CNTNAP2: variants seen among roughly 807,000 people sequenced by gnomAD.
The protein encoded by CNTNAP2 is contactin associated protein 2, also known as contactin-associated protein-like 2.
CNTNAP2 carries 98 observed loss-of-function variants against 155.2 expected under a neutral mutation model. That is an observed-to-expected ratio of 0.63 (90% CI 0.54 to 0.75). The LOEUF is 0.75. Ranked by LOEUF, CNTNAP2 falls within the 30% of genes least tolerant of loss-of-function variation. The pLI is 0.00. For synonymous variants in CNTNAP2, 651 were observed against 631.2 expected, an observed-to-expected ratio of 1.03 and a Z score of -0.47; for missense variants, 1,727 against 1,688.1, an observed-to-expected ratio of 1.02 and a Z score of -0.40.
intron 1 of CNTNAP2, among the ~76,000 whole-genome samples, chr7:146,304,561 T>G (rs1161954916): frequency 1.3e-5 from 2 of 152,132 alleles, no homozygotes; most frequent in African/African-American, 4.8e-5. Flanking sequence ...AATTCTGGGT[T>G]GGAAACTCTT....
At chr7:146,587,997 C>CGTGTGTGT (rs764567174) in intron 1 of CNTNAP2, among the ~76,000 whole-genome samples, 22 of 135,780 alleles carry the variant, frequency 1.6e-4, no homozygotes, top group South Asian at 7.0e-4. Flanking sequence ...TCAAACAAAC[C>CGTGTGTGT]GTGTGTGTAT....
At chr7:148,145,109 G>C (rs1321443325) in intron 16 of CNTNAP2, among the ~76,000 whole-genome samples, 1 of 152,164 alleles carries the variant, frequency 6.6e-6, no homozygotes, top group African/African-American at 2.4e-5. Context: ...GGAAGCAACG[G>C]AAGGGGTGTG....
chr7:146,632,205 TAGTG>T (rs1457314031), intron 1 of CNTNAP2, among the ~76,000 whole-genome samples: 1 of 152,148 alleles, frequency 6.6e-6, no homozygotes, highest in African/African-American at 2.4e-5. Flanking sequence ...AGTGGATTCT[TAGTG>T]ATTGTATTTT....
intron 13 of CNTNAP2, among the ~76,000 whole-genome samples, chr7:147,767,936 C>A (rs1204806446): frequency 6.6e-6 from 1 of 152,018 alleles, no homozygotes; most frequent in African/African-American, 2.4e-5. Flanking sequence ...CTGAAATGAA[C>A]AGTCCATAAA....
chr7:147,840,277 T>A (rs1241784243), intron 13 of CNTNAP2, among the ~76,000 whole-genome samples: 3 of 152,168 alleles, frequency 2.0e-5, no homozygotes, highest in Non-Finnish European at 4.4e-5. Context: ...TATATCTGTA[T>A]AACAATACTG....
intron 13 of CNTNAP2, among the ~76,000 whole-genome samples, chr7:147,711,385 AAG>A (rs1358240406): frequency 6.6e-6 from 1 of 152,198 alleles, no homozygotes; most frequent in African/African-American, 2.4e-5. Flanking sequence ...ATGGTTACCA[AAG>A]TAAGGATCTA....
chr7:147,776,790 A>G (rs1316815849), intron 13 of CNTNAP2, among the ~76,000 whole-genome samples: 1 of 148,652 alleles, frequency 6.7e-6, no homozygotes, highest in East Asian at 2.0e-4. Context: ...TGAGATTTTT[A>G]CCTTTTTTTC....
chr7:147,810,889 C>G (rs1244226424), intron 13 of CNTNAP2, among the ~76,000 whole-genome samples: 1 of 152,134 alleles, frequency 6.6e-6, no homozygotes, highest in Non-Finnish European at 1.5e-5. Flanking sequence ...ACCGGGGTTC[C>G]TCCTTTCTCT....
At chr7:146,867,412 A>G (rs1475618701) in intron 3 of CNTNAP2, among the ~76,000 whole-genome samples, 2 of 151,988 alleles carry the variant, frequency 1.3e-5, no homozygotes, top group Admixed American at 1.3e-4. Flanking sequence ...TTCTTTATCC[A>G]ATTTGTCATT....
chr7:148,278,263 G>A (rs975251374), intron 21 of CNTNAP2, among the ~76,000 whole-genome samples: 6 of 152,052 alleles, frequency 3.9e-5, no homozygotes, highest in South Asian at 2.1e-4. Context: ...TGACCTCCTC[G>A]ATGTACTAAA....
At chr7:147,953,329 A>G (rs1047047756) in intron 14 of CNTNAP2, among the ~76,000 whole-genome samples, 1 of 152,204 alleles carries the variant, frequency 6.6e-6, no homozygotes, top group South Asian at 2.1e-4. Flanking sequence ...AAGCTCATGT[A>G]GTCAAATAGT....
intron 15 of CNTNAP2, among the ~76,000 whole-genome samples, chr7:148,064,538 A>C (rs1289587533): frequency 2.0e-5 from 3 of 151,858 alleles, no homozygotes; most frequent in South Asian, 2.1e-4. Context: ...CATCCAAAAA[A>C]CCTCCTAAAT....
intron 1 of CNTNAP2, among the ~76,000 whole-genome samples, chr7:146,324,941 A>G (rs745791855): frequency 6.6e-6 from 1 of 152,164 alleles, no homozygotes; most frequent in Admixed American, 6.5e-5. Context: ...AAATGACAAT[A>G]TAGTTTTTTT....
At chr7:147,784,493 TAATATATATATATATA>T (rs1797705185) in intron 13 of CNTNAP2, among the ~76,000 whole-genome samples, 1 of 48,100 alleles carries the variant, frequency 2.1e-5, no homozygotes, top group African/African-American at 6.9e-5. Context: ...GGCTCTGGAC[TAATATATATATATATA>T]TATATATATA....
chr7:147,886,885 G>C (rs1799608974), intron 13 of CNTNAP2, among the ~76,000 whole-genome samples: 1 of 152,120 alleles, frequency 6.6e-6, no homozygotes, highest in Non-Finnish European at 1.5e-5. Flanking sequence ...GTGAAACCAA[G>C]CATTTACCAC....
At chr7:146,326,136 A>G (rs1325198938) in intron 1 of CNTNAP2, among the ~76,000 whole-genome samples, 2 of 152,168 alleles carry the variant, frequency 1.3e-5, no homozygotes, top group African/African-American at 4.8e-5. Context: ...TCACTGTTCA[A>G]TTTCTCAAAA....
In CNTNAP2 at chr7:146,776,159, G is replaced by C. The variant is rs556870598; in HGVS notation, c.208+1778G>C. Among the ~76,000 whole-genome samples the C allele has an allele frequency of 3.3e-5, 5 of 152,110 alleles. No homozygotes were observed. In the East Asian group the frequency reaches 9.7e-4, roughly 29 times the overall value. ...TATGATACAGACCTTCCCATTACTA[G>C]GAAATCTAGGACAAAATATGAAAAA... On this transcript the variant is annotated intron_variant, in intron 2 of 23. Transcript: ENST00000361727.
At chr7:146,514,155 G>T (rs1797508318) in intron 1 of CNTNAP2, among the ~76,000 whole-genome samples, 1 of 151,604 alleles carries the variant, frequency 6.6e-6, no homozygotes, top group African/African-American at 2.4e-5. Context: ...TCCACTTTAG[G>T]ATTCTCTCTT....
chr7:147,484,256 G>T (rs1347689883), intron 10 of CNTNAP2, among the ~76,000 whole-genome samples: 1 of 152,086 alleles, frequency 6.6e-6, no homozygotes, highest in Non-Finnish European at 1.5e-5. Flanking sequence ...CATCCCTCAT[G>T]ATAATTCAAC....
Sources: gnomAD v4.1 joint callset for allele counts (sites outside exome capture counted in the v4.1 genomes callset) on GRCh38, gnomAD v4.1.1 for gene constraint, MANE v1.5 for transcripts, NCBI Gene and HGNC (gene_info 2026-07-23, HGNC 2026-07-21) for gene names.